RCSD1: variants seen among roughly 807,000 people sequenced by gnomAD.
RCSD1 encodes the protein RCSD domain containing 1.
A neutral mutation model predicts 42.5 loss-of-function variants in RCSD1; 26 were observed. That is an observed-to-expected ratio of 0.61 (90% confidence interval 0.45 to 0.85). The LOEUF (loss-of-function observed/expected upper bound fraction) is 0.85, where lower values mean the gene tolerates loss of function less well. Among genes scored for constraint, RCSD1 ranks in the 40% least tolerant of loss-of-function variants. The pLI is 0.00. For missense variants in RCSD1, 571 were observed against 528.3 expected, an observed-to-expected ratio of 1.08 and a Z score of -0.79; for synonymous variants, 220 against 212.2, an observed-to-expected ratio of 1.04 and a Z score of -0.32.
intron 1 of RCSD1, among the ~76,000 whole-genome samples, chr1:167,649,588 G>A (rs544263256): frequency 2.4e-4 from 37 of 152,296 alleles, no homozygotes; most frequent in Non-Finnish European, 4.3e-4. Flanking sequence ...GGCTCTGGCC[G>A]TGGTTCAAGG....
At chr1:167,659,195 C>T (rs1228689853) in intron 1 of RCSD1, among the ~76,000 whole-genome samples, 3 of 152,060 alleles carry the variant, frequency 2.0e-5, no homozygotes, top group Non-Finnish European at 2.9e-5. Context: ...TGTTGATTGG[C>T]GTTTTGAATT....
At chr1:167,666,812 A>G (rs1490969059) in intron 1 of RCSD1, among the ~76,000 whole-genome samples, 2 of 152,206 alleles carry the variant, frequency 1.3e-5, no homozygotes, top group Non-Finnish European at 2.9e-5. Context: ...CCCACGGCCC[A>G]TTGGCCACAT....
chr1:167,671,315 G>A (rs921062576), intron 1 of RCSD1, among the ~76,000 whole-genome samples: 4 of 152,218 alleles, frequency 2.6e-5, no homozygotes, highest in African/African-American at 4.8e-5. Flanking sequence ...AACTTTTACT[G>A]AAGGTCTGCT....
chr1:167,658,082 C>T (rs951577626), intron 1 of RCSD1, among the ~76,000 whole-genome samples: 3 of 152,030 alleles, frequency 2.0e-5, no homozygotes, highest in African/African-American at 4.8e-5. Flanking sequence ...TGTGCACCAC[C>T]ACACCTGGCT....
intron 1 of RCSD1, among the ~76,000 whole-genome samples, chr1:167,637,765 C>T (rs1317434436): frequency 1.3e-5 from 2 of 151,450 alleles, no homozygotes; most frequent in African/African-American, 2.4e-5. Context: ...CACACACACA[C>T]CCCTTCTGTT....
chr1:167,666,838 G>A (rs938910189), intron 1 of RCSD1, among the ~76,000 whole-genome samples: 4 of 152,212 alleles, frequency 2.6e-5, no homozygotes, highest in South Asian at 4.1e-4. Context: ...CAAGGGGGAC[G>A]GCTTTGAATG....
At chr1:167,691,210 C>T (rs918664612) in intron 4 of RCSD1, among the ~76,000 whole-genome samples, 5 of 152,162 alleles carry the variant, frequency 3.3e-5, no homozygotes, top group Admixed American at 6.5e-5. Context: ...CAAGTTGTGA[C>T]AATGAAAAAT....
intron 1 of RCSD1, chr1:167,664,075 T>A (rs1461645970): frequency 6.6e-6 from 1 of 152,192 alleles, no homozygotes; most frequent in Non-Finnish European, 1.5e-5. Flanking sequence ...TCTCCTAGTA[T>A]CCCCATGACC....
chr1:167,705,057 T>C lies in RCSD1; in HGVS notation c.*361T>C, dbSNP rs1478170818. 2.0e-5 allele frequency: 2 copies of C among 99,850 alleles called. No homozygotes were observed. The highest frequency in any genetic ancestry group is 4.7e-5 in the Non-Finnish European group (2 of 42,768). The allele number at this position is 99,850 out of a possible 1,614,324, so 6.2% of individuals were successfully genotyped here. A position where few individuals can be genotyped will look rare whatever the true frequency, so the allele number is the denominator to read the frequency against. On this transcript the variant is annotated 3_prime_UTR_variant, in exon 7 of 7. Transcript: ENST00000367854. ...CACACCCACCTATCCCTGCAGCTAA[T>C]TTAGCTGATCTCTAATTTAACTGAG...
rs558038059 is a variant in RCSD1, at chr1:167,687,417, A to G, written c.198+1907A>G. Reference sequence around the variant, plus strand: ...AGGCGCCTGTAGTCCCAGCTACTCGAGAGGCTTAGGCAGGAGAATGGCGTG... The same window carrying G: ...AGGCGCCTGTAGTCCCAGCTACTCGGGAGGCTTAGGCAGGAGAATGGCGTG... On this transcript the variant is annotated intron_variant, in intron 3 of 6. Transcript: ENST00000367854. Among the ~76,000 whole-genome samples the G allele has an allele frequency of 1.4e-3, 218 of 151,890 alleles. 1 individual carries two copies. Among genetic ancestry groups the G allele is most frequent in the Non-Finnish European group, 2.5e-3 (171 of 67,948 alleles).
At chr1:167,698,924 C>T (rs547071442) in intron 6 of RCSD1, among the ~76,000 whole-genome samples, 8 of 151,994 alleles carry the variant, frequency 5.3e-5, no homozygotes, top group African/African-American at 9.7e-5. Context: ...CTCAGCCTCC[C>T]GAGTAGCTGG....
At chr1:167,635,123 A>T (rs1476949068) in intron 1 of RCSD1, among the ~76,000 whole-genome samples, 1 of 152,188 alleles carries the variant, frequency 6.6e-6, no homozygotes, top group Non-Finnish European at 1.5e-5. Flanking sequence ...TAAAAAGATT[A>T]TTTTGATATT....
chr1:167,631,588 G>A (rs960556299), intron 1 of RCSD1, among the ~76,000 whole-genome samples: 1 of 152,132 alleles, frequency 6.6e-6, no homozygotes. Flanking sequence ...AGGCTCAAAG[G>A]ATCCTCCCAC....
intron 1 of RCSD1, among the ~76,000 whole-genome samples, chr1:167,635,669 T>G (rs1657826548): frequency 6.6e-6 from 1 of 152,188 alleles, no homozygotes; most frequent in Admixed American, 6.5e-5. Flanking sequence ...TTTTCTCCAG[T>G]AATAATATTT....
chr1:167,672,055 A>G (rs1229355), intron 1 of RCSD1, among the ~76,000 whole-genome samples: 78,565 of 151,910 alleles, frequency 0.52, 20,810 homozygotes, highest in East Asian at 0.65. Context: ...CATAGCACCC[A>G]CAACTCAATG....
At chr1:167,703,286 C>T (rs1467192079) in intron 6 of RCSD1, among the ~76,000 whole-genome samples, 1 of 152,134 alleles carries the variant, frequency 6.6e-6, no homozygotes, top group Non-Finnish European at 1.5e-5. Flanking sequence ...TCCTTTTCCC[C>T]TTTCCCACCC....
chr1:167,637,501 A>G (rs572400475), intron 1 of RCSD1, among the ~76,000 whole-genome samples: 1 of 152,294 alleles, frequency 6.6e-6, no homozygotes, highest in South Asian at 2.1e-4. Context: ...ATTCCTCCAC[A>G]AGTGCTGCTC....
At chr1:167,639,192 G>C (rs1186765082) in intron 1 of RCSD1, among the ~76,000 whole-genome samples, 1 of 152,126 alleles carries the variant, frequency 6.6e-6, no homozygotes, top group Non-Finnish European at 1.5e-5. Context: ...ACTCCAGCCT[G>C]GGTGACACAG....
At chr1:167,682,166 C>T (rs928103461) in intron 1 of RCSD1, among the ~76,000 whole-genome samples, 1 of 149,782 alleles carries the variant, frequency 6.7e-6, no homozygotes, top group Non-Finnish European at 1.5e-5. Flanking sequence ...AATCCCTAAA[C>T]GAAGCCTTTT....
Sources: allele counts gnomAD v4.1 joint callset (sites outside exome capture counted in the v4.1 genomes callset), GRCh38; gene constraint gnomAD v4.1.1; transcripts MANE v1.5; gene names NCBI Gene and HGNC (gene_info 2026-07-23, HGNC 2026-07-21).